Variants in GCN1 observed in about 807,000 individuals in gnomAD.
GCN1 encodes GCN1 activator of EIF2AK4.
GCN1 carries 90 observed loss-of-function variants against 288.4 expected under a neutral mutation model. That is an observed-to-expected ratio of 0.31 (90% CI 0.26 to 0.37). The LOEUF is 0.37. Ranked by LOEUF, GCN1 falls within the 10% of genes least tolerant of loss-of-function variation. The pLI, the probability that GCN1 is intolerant of heterozygous loss-of-function variation, is 1.00. For synonymous variants in GCN1, 1,386 were observed against 1,420.2 expected (o/e 0.98, Z 0.54); for missense variants, 2,586 against 3,419.9 (o/e 0.76, Z 6.08).
intron 15 of GCN1, among the ~76,000 whole-genome samples, chr12:120,168,740 C>T (rs1412908605): frequency 6.6e-6 from 1 of 152,034 alleles, no homozygotes; most frequent in Non-Finnish European, 1.5e-5. Flanking sequence ...CAACTAAAAG[C>T]AATCTCTCCT....
Position 120,155,102 on chromosome 12 carries a change from T to A in GCN1, c.3631-62A>T, listed in dbSNP as rs1186076903. On this transcript the variant is annotated intron_variant, in intron 30 of 57. Transcript: ENST00000300648. This position sits in a 1 kb window ranked among gnomAD's most constrained non-coding sequence, Gnocchi z 4.9. ...CAGATCAATGACCTGGGCACCAGGA[T>A]TGTGAGGCAGGAAACTAGCCGCAGC... 1.9e-6 allele frequency: 3 copies of A among 1,541,070 alleles called. No homozygotes were observed. In the African/African-American group the frequency reaches 4.1e-5, roughly 21 times the overall value.
chr12:120,162,026 G>A lies in GCN1; in HGVS notation c.2196C>T (p.Val732=). Residue 732 remains valine (V), a synonymous_variant, in exon 21 of 58, where the codon GTC becomes GTT. Transcript: ENST00000300648. ...GTGGGAGGACCCGGTCCGGCGACAG[G>A]ACGGAAAGGGAGCCCATGGCATTCA... ...SSMNAMGSLS[V]LSPDRVLPQL... is the part of the protein sequence containing the mutation. 6.2e-7 allele frequency: 1 copy of A among 1,613,356 alleles called. No homozygotes were observed. The highest frequency in any genetic ancestry group is 1.1e-5 in the South Asian group (1 of 91,054).
chr12:120,176,521 G>C (rs146968608), intron 9 of GCN1, among the ~76,000 whole-genome samples: 106 of 152,330 alleles, frequency 7.0e-4, no homozygotes, highest in African/African-American at 2.5e-3. Flanking sequence ...GTCTACAGAG[G>C]AGGTTCTTAA....
At chr12:120,181,952 G>T (rs1790519359) in intron 5 of GCN1, among the ~76,000 whole-genome samples, 1 of 151,482 alleles carries the variant, frequency 6.6e-6, no homozygotes, top group African/African-American at 2.4e-5. Flanking sequence ...TTTGAGACTA[G>T]CCTGGCCAAC....
chr12:120,136,998 G>T (rs1877026483), intron 50 of GCN1, among the ~76,000 whole-genome samples: 1 of 152,194 alleles, frequency 6.6e-6, no homozygotes. Flanking sequence ...TGGCCAAGGT[G>T]ACCTGCAGAG....
chr12:120,147,168 G>T lies in GCN1; in HGVS notation c.4831C>A (p.Pro1611Thr), dbSNP rs751745454. ...DTKFVHFIDAPSLALIMPIVQ... is the reference protein window; with the variant it reads ...DTKFVHFIDATSLALIMPIVQ... ...ATGGGCATGATGAGGGCCAGGGATG[G>T]GGCATCAATGAAGTGGACAAACTTG... Residue 1611 changes from proline to threonine, a missense_variant, in exon 38 of 58, where the codon CCA (proline) becomes ACA (threonine). Transcript: ENST00000300648. 6.2e-7 allele frequency: 1 copy of T among 1,613,194 alleles called. No individual in the cohort carries two copies.
rs189454787 is a variant in GCN1 at position 120,190,317 on chromosome 12, C to T, written c.102G>A (p.Gly34=). 81 of 1,579,332 alleles carry T rather than the reference C, an allele frequency of 5.1e-5. No individual in the cohort carries two copies. The African/African-American group carries it at 1.0e-3, about 20-fold the overall frequency. ...KERREILSEL[G]KCVAGKDLPE... is the part of the protein sequence containing the mutation. ...AAATACCTTTTCCAGCAACACACTT[C>T]CCAAGTTCACTGAGGATTTCTCTCC... The change falls in exon 2 of 58, where the codon GGG becomes GGA. Residue 34 remains glycine (G), a synonymous_variant. Transcript: ENST00000300648.
chr12:120,166,603 C>T (rs1057246890), intron 16 of GCN1, among the ~76,000 whole-genome samples: 1 of 150,372 alleles, frequency 6.7e-6, no homozygotes, highest in African/African-American at 2.5e-5. Context: ...ACTCAGGAGG[C>T]TGAGGCAGGA....
chr12:120,153,556 G>T lies in GCN1; in HGVS notation c.3868-149C>A. The T allele has an allele frequency of 1.2e-6, 1 of 868,910 alleles. No homozygotes were observed. The highest frequency in any genetic ancestry group is 1.7e-5 in the South Asian group (1 of 57,388). 53.8% of individuals were successfully genotyped at this position (868,910 alleles called of 1,614,324 possible). On this transcript the variant is annotated intron_variant, in intron 32 of 57. Transcript: ENST00000300648. The surrounding 1 kb of genome is among the most constrained non-coding windows in gnomAD (Gnocchi z 4.4). ...AGTGGCTCTTCCAGTTTTCTGGCAG[G>T]ACTGCCACAGACTTAAAAGAATTTA...
chr12:120,144,484 ACCCCCAGG>A lies in GCN1; in HGVS notation c.5353-44_5353-37del. ...AGAGGGTGGGTCAGCCAGAGCTGCC[ACCCCCAGG>A]CCCCCAGCCCAAAAAACATGGGGCT... On this transcript the variant is annotated intron_variant, in intron 41 of 57. Transcript: ENST00000300648. This position sits in a 1 kb window ranked among gnomAD's most constrained non-coding sequence, Gnocchi z 4.7. 1 of 1,598,434 alleles carries A rather than the reference ACCCCCAGG, an allele frequency of 6.3e-7. No individual in the cohort carries two copies. Among genetic ancestry groups the A allele is most frequent in the Non-Finnish European group, 8.5e-7 (1 of 1,170,766 alleles).
chr12:120,161,678 A>G, intron 21 of GCN1, 95 bp from the exon 22 acceptor site: 2 of 995,808 alleles, frequency 2.0e-6, no homozygotes, highest in Non-Finnish European at 3.2e-6. Flanking sequence ...GCTGTTAAGC[A>G]CTGTGCACCA....
intron 9 of GCN1, 123 bp downstream of exon 9, chr12:120,177,324 G>T: frequency 1.6e-6 from 1 of 619,906 alleles, no homozygotes; most frequent in Middle Eastern, 4.3e-4. Context: ...TCCCAACAAG[G>T]TAAACAATGA....
Position 120,155,691 on chromosome 12 carries a change from G to A in GCN1, c.3341C>T (p.Pro1114Leu). ...RGLMELHMVL[P>L]APDTDEKNGL... The stretch of plus-strand genomic sequence containing the variant: ...ATTCTTCTCATCAGTATCAGGTGCT[G>A]GCAATACCATGTGGAGTTCCATCAG... Residue 1114 changes from proline to leucine, a missense_variant, in exon 29 of 58, where the codon CCA becomes CTA. Transcript: ENST00000300648. The surrounding 1 kb of genome is among the most constrained non-coding windows in gnomAD (Gnocchi z 4.9). 1 of 1,613,980 alleles carries A rather than the reference G, an allele frequency of 6.2e-7. No individual in the cohort carries two copies. The highest frequency in any genetic ancestry group is 8.5e-7 in the Non-Finnish European group (1 of 1,179,934).
At chr12:120,166,520 C>T (rs1474574520) in intron 16 of GCN1, among the ~76,000 whole-genome samples, 1 of 151,040 alleles carries the variant, frequency 6.6e-6, no homozygotes, top group African/African-American at 2.4e-5. Flanking sequence ...CTGGCTAACA[C>T]TGTGAAACCC....
Position 120,162,063 on chromosome 12 carries a change from C to T in GCN1, c.2164-5G>A. 1 of 1,610,798 alleles carries T rather than the reference C, an allele frequency of 6.2e-7. No homozygotes were observed. Among genetic ancestry groups the T allele is most frequent in the Non-Finnish European group, 8.5e-7 (1 of 1,179,678 alleles). On this transcript the variant is annotated splice_polypyrimidine_tract_variant and splice_region_variant and intron_variant, in intron 20 of 57. Coordinates refer to ENST00000300648, the MANE Select transcript of GCN1 (RefSeq NM_006836.2). ...GCCCATGGCATTCATGGAGGACTGC[C>T]AGACAAACGCAGACATGGTCAGTGT...
chr12:120,178,983 G>A, intron 5 of GCN1, 33 bp from the exon 6 acceptor site: 2 of 1,563,684 alleles, frequency 1.3e-6, no homozygotes, highest in Non-Finnish European at 1.8e-6. Context: ...AGGTCAAGGT[G>A]GGACATGAGA....
At chr12:120,190,179 C>T (rs1335676551) in intron 2 of GCN1, 119 bp downstream of exon 2, 5 of 612,312 alleles carry the variant, frequency 8.2e-6, no homozygotes, top group African/African-American at 5.9e-5. Flanking sequence ...GAGCTGAGAT[C>T]GTGCCATTGC....
intron 16 of GCN1, among the ~76,000 whole-genome samples, chr12:120,167,375 A>G (rs1049373507): frequency 3.3e-5 from 5 of 150,602 alleles, no homozygotes; most frequent in Non-Finnish European, 5.9e-5. Flanking sequence ...AAAAAAAAGA[A>G]TGATGAAGTT....
rs1261161711 is a variant in GCN1 at position 120,142,430 on chromosome 12, C to T, written c.5829+77G>A. The T allele has an allele frequency of 1.9e-6, 2 of 1,029,684 alleles. No individual in the cohort carries two copies. Among genetic ancestry groups the T allele is most frequent in the Non-Finnish European group, 3.1e-6 (2 of 655,208 alleles). The allele number at this position is 1,029,684 out of a possible 1,614,324, so 63.8% of individuals were successfully genotyped here. A position where few individuals can be genotyped will look rare whatever the true frequency, so the allele number is the denominator to read the frequency against. On this transcript the variant is annotated intron_variant, in intron 44 of 57. Coordinates refer to ENST00000300648, the MANE Select transcript of GCN1 (RefSeq NM_006836.2). This position sits in a 1 kb window ranked among gnomAD's most constrained non-coding sequence, Gnocchi z 4.9. The stretch of plus-strand genomic sequence containing the variant: ...CAGGGTGGATGGGTACTTTCCCAGG[C>T]TCTGCAGACCCAGCCTTCTAGGCTC...
Sources: gnomAD v4.1 joint callset for allele counts (sites outside exome capture counted in the v4.1 genomes callset) on GRCh38, gnomAD v4.1.1 for gene constraint, Gnocchi (gnomAD v3.1) non-coding constraint, MANE v1.5 for transcripts, NCBI Gene and HGNC (gene_info 2026-07-23, HGNC 2026-07-21) for gene names.